BLK: variants seen among roughly 807,000 people sequenced by gnomAD.
The protein encoded by BLK is BLK proto-oncogene, Src family tyrosine kinase.
BLK carries 64 observed loss-of-function variants against 61.8 expected under a neutral mutation model. That is an observed-to-expected ratio of 1.03 (90% CI 0.85 to 1.27). BLK has a LOEUF of 1.27. BLK is among the 50% of genes most tolerant of loss of function. BLK has a pLI of 0.00. For synonymous variants in BLK, 351 were observed against 272.0 expected, an observed-to-expected ratio of 1.29 and a Z score of -2.86; for missense variants, 853 against 660.5, an observed-to-expected ratio of 1.29 and a Z score of -3.19.
At chr8:11,526,957 T>C (rs1380098061) in intron 1 of BLK, among the ~76,000 whole-genome samples, 3 of 152,248 alleles carry the variant, frequency 2.0e-5, no homozygotes, top group Non-Finnish European at 4.4e-5. Context: ...CAAGGTTTTA[T>C]GAAGCCTCTT....
intron 1 of BLK, among the ~76,000 whole-genome samples, chr8:11,501,004 T>C (rs1798537121): frequency 6.6e-6 from 1 of 151,786 alleles, no homozygotes; most frequent in African/African-American, 2.4e-5. Flanking sequence ...AGGTCAGGGG[T>C]TCGAGACCAG....
intron 1 of BLK, among the ~76,000 whole-genome samples, chr8:11,535,914 C>G (rs1212540886): frequency 6.6e-6 from 1 of 152,194 alleles, no homozygotes; most frequent in Non-Finnish European, 1.5e-5. Flanking sequence ...GGAGAACATT[C>G]TATAGGACTG....
At chr8:11,529,027 C>G (rs1490336457) in intron 1 of BLK, among the ~76,000 whole-genome samples, 1 of 152,046 alleles carries the variant, frequency 6.6e-6, no homozygotes, top group East Asian at 1.9e-4. Flanking sequence ...TTGATAGGTG[C>G]AGCAAACCAC....
intron 1 of BLK, among the ~76,000 whole-genome samples, chr8:11,535,039 A>G (rs780822603): frequency 1.3e-5 from 2 of 151,964 alleles, no homozygotes; most frequent in Non-Finnish European, 2.9e-5. Flanking sequence ...TTAGCCAGGC[A>G]TGGCAGCACG....
chr8:11,544,361 C>G (rs889793583), intron 2 of BLK, among the ~76,000 whole-genome samples: 1 of 152,150 alleles, frequency 6.6e-6, no homozygotes, highest in Non-Finnish European at 1.5e-5. Context: ...GCCGCGACCC[C>G]CTCTCCTGTG....
chr8:11,525,269 A>G (rs1799611865), intron 1 of BLK, among the ~76,000 whole-genome samples: 1 of 152,198 alleles, frequency 6.6e-6, no homozygotes, highest in South Asian at 2.1e-4. Context: ...TGAGTTTATT[A>G]CTTTCTGTTT....
At chr8:11,555,972 G>A (rs202047487) in intron 8 of BLK, 5 of 195,602 alleles carry the variant, frequency 2.6e-5, no homozygotes, top group East Asian at 2.4e-4. Flanking sequence ...TCCCCCCCCC[G>A]CCCACCAGGA....
intron 1 of BLK, among the ~76,000 whole-genome samples, chr8:11,537,665 C>G (rs1388006643): frequency 6.6e-6 from 1 of 152,146 alleles, no homozygotes; most frequent in Non-Finnish European, 1.5e-5. Context: ...TACCAAGCCA[C>G]CTCGCCTCGC....
chr8:11,527,474 CTTT>C (rs569354838), intron 1 of BLK, among the ~76,000 whole-genome samples: 2 of 143,968 alleles, frequency 1.4e-5, no homozygotes, highest in Non-Finnish European at 3.1e-5. Context: ...ATTTTTCTTT[CTTT>C]TTTTTTTTTT....
intron 1 of BLK, among the ~76,000 whole-genome samples, chr8:11,521,355 A>G (rs1408282848): frequency 6.6e-6 from 1 of 152,226 alleles, no homozygotes; most frequent in Non-Finnish European, 1.5e-5. Context: ...CAATGGCACC[A>G]TTATGGCTCA....
At chr8:11,545,424 C>T (rs1046534222) in intron 2 of BLK, among the ~76,000 whole-genome samples, 1 of 152,162 alleles carries the variant, frequency 6.6e-6, no homozygotes, top group African/African-American at 2.4e-5. Flanking sequence ...TGGCGGGCAC[C>T]TGTAATCTCA....
At chr8:11,498,730 T>G (rs573024206) in intron 1 of BLK, among the ~76,000 whole-genome samples, 18 of 152,354 alleles carry the variant, frequency 1.2e-4, no homozygotes, top group Non-Finnish European at 2.2e-4. Context: ...CGAGCAGCCT[T>G]ACCTGTCTCG....
chr8:11,545,675 G>A, intron 2 of BLK: 1 of 318,936 alleles, frequency 3.1e-6, no homozygotes, highest in Admixed American at 4.0e-5. Flanking sequence ...TGTTTGTCGA[G>A]TTTTGGGGAA....
At chr8:11,515,920 C>T (rs1232087562) in intron 1 of BLK, among the ~76,000 whole-genome samples, 1 of 152,180 alleles carries the variant, frequency 6.6e-6, no homozygotes, top group African/African-American at 2.4e-5. Flanking sequence ...AGGGGCATTG[C>T]CTGTAGGAAA....
intron 6 of BLK, among the ~76,000 whole-genome samples, chr8:11,551,097 T>C (rs922485): frequency 0.12 from 18,316 of 152,074 alleles, 1,207 homozygotes; most frequent in South Asian, 0.17. Flanking sequence ...CGCCACCATG[T>C]CTTGTCTGTT....
intron 1 of BLK, among the ~76,000 whole-genome samples, chr8:11,518,920 C>G (rs747258317): frequency 9.9e-5 from 15 of 152,212 alleles, no homozygotes; most frequent in Non-Finnish European, 2.1e-4. Context: ...ACTGAAGACT[C>G]CAGCATACGT....
chr8:11,514,679 T>C (rs1241609394), intron 1 of BLK, among the ~76,000 whole-genome samples: 1 of 152,174 alleles, frequency 6.6e-6, no homozygotes, highest in African/African-American at 2.4e-5. Flanking sequence ...TGAGCCTGCT[T>C]TCTGGACCCA....
At chr8:11,540,857 G>A (rs1371710984) in intron 1 of BLK, among the ~76,000 whole-genome samples, 27 of 143,816 alleles carry the variant, frequency 1.9e-4, no homozygotes, top group South Asian at 2.2e-4. Flanking sequence ...CAAGAAGATA[G>A]AAAAAAAAAA....
chr8:11,550,103 G>A, intron 5 of BLK, 56 bp from the exon 6 acceptor site: 2 of 1,487,594 alleles, frequency 1.3e-6, no homozygotes, highest in Admixed American at 1.7e-5. Flanking sequence ...GGCTGTGTGG[G>A]AATACTCCGA....
Sources: allele counts gnomAD v4.1 joint callset (sites outside exome capture counted in the v4.1 genomes callset), GRCh38; gene constraint gnomAD v4.1.1; transcripts MANE v1.5; gene names NCBI Gene and HGNC (gene_info 2026-07-23, HGNC 2026-07-21).